NSMCE2: variants seen among roughly 807,000 people sequenced by gnomAD.
The protein encoded by NSMCE2 is E3 SUMO-protein ligase NSE2.
A neutral mutation model predicts 23.8 loss-of-function variants in NSMCE2; 24 were observed. The observed-to-expected ratio is 1.01, with a 90% CI of 0.73 to 1.42. The LOEUF is 1.42. Among genes scored for constraint, NSMCE2 ranks in the 40% most tolerant of loss-of-function variants. NSMCE2 has a pLI of 0.00. For missense variants in NSMCE2, 284 were observed against 296.5 expected, an observed-to-expected ratio of 0.96 and a Z score of 0.31; for synonymous variants, 92 against 94.1, an observed-to-expected ratio of 0.98 and a Z score of 0.13.
intron 1 of NSMCE2, among the ~76,000 whole-genome samples, chr8:125,096,974 G>A (rs781205870): frequency 3.9e-5 from 6 of 152,008 alleles, no homozygotes; most frequent in Non-Finnish European, 7.4e-5. Flanking sequence ...TGGTTTGCCC[G>A]TAAATTTCTG....
chr8:125,164,893 C>T (rs770153166), intron 4 of NSMCE2, among the ~76,000 whole-genome samples: 1 of 152,122 alleles, frequency 6.6e-6, no homozygotes, highest in East Asian at 1.9e-4. Flanking sequence ...CAGTTATCTC[C>T]GGTTGAATAA....
chr8:125,134,213 C>T lies in NSMCE2; in HGVS notation c.158-16958C>T, dbSNP rs558002174. ...TTCATACTTAACAGAAAAACTGTAACGAGGACACCCAGACATTATGTTATG... is the reference window on the plus strand; with the variant it reads ...TTCATACTTAACAGAAAAACTGTAATGAGGACACCCAGACATTATGTTATG... On this transcript the variant is annotated intron_variant, in intron 3 of 7. Coordinates refer to ENST00000287437, the MANE Select transcript of NSMCE2 (RefSeq NM_173685.4). Among the ~76,000 whole-genome samples, 9 of 152,248 alleles carry T rather than the reference C, an allele frequency of 5.9e-5. No individual in the cohort carries two copies. In the South Asian group the frequency reaches 1.2e-3, roughly 21 times the overall value.
At chr8:125,259,978 C>T (rs1019642387) in intron 5 of NSMCE2, among the ~76,000 whole-genome samples, 4 of 152,168 alleles carry the variant, frequency 2.6e-5, no homozygotes, top group African/African-American at 9.7e-5. Flanking sequence ...ATAGATGAAG[C>T]AACCGAGGCA....
At chr8:125,119,664 G>A (rs1205957341) in intron 3 of NSMCE2, among the ~76,000 whole-genome samples, 2 of 152,274 alleles carry the variant, frequency 1.3e-5, no homozygotes, top group African/African-American at 4.8e-5. Flanking sequence ...GAAGTAGATA[G>A]AACAGACTTT....
intron 3 of NSMCE2, among the ~76,000 whole-genome samples, chr8:125,121,815 A>G (rs891539990): frequency 5.9e-5 from 9 of 152,232 alleles, no homozygotes; most frequent in African/African-American, 1.7e-4. Context: ...CATTATACAT[A>G]TGAGTAAACT....
intron 5 of NSMCE2, among the ~76,000 whole-genome samples, chr8:125,234,670 C>G (rs1172945959): frequency 6.6e-6 from 1 of 152,144 alleles, no homozygotes; most frequent in Non-Finnish European, 1.5e-5. Context: ...AATGACTTTT[C>G]TTTCCCATCA....
At chr8:125,349,701 G>T (rs1465754902) in intron 5 of NSMCE2, among the ~76,000 whole-genome samples, 1 of 152,174 alleles carries the variant, frequency 6.6e-6, no homozygotes, top group Non-Finnish European at 1.5e-5. Context: ...AGCCAAATTT[G>T]GGATGCCTGA....
intron 5 of NSMCE2, among the ~76,000 whole-genome samples, chr8:125,229,575 T>A (rs1291992518): frequency 1.3e-5 from 2 of 152,182 alleles, no homozygotes; most frequent in African/African-American, 4.8e-5. Flanking sequence ...TTGAAGATGC[T>A]TCATACAAAG....
intron 5 of NSMCE2, among the ~76,000 whole-genome samples, chr8:125,285,547 T>G (rs555779274): frequency 1.3e-4 from 20 of 152,266 alleles, no homozygotes; most frequent in African/African-American, 4.3e-4. Context: ...TTTTGAAGAC[T>G]GACATAACAG....
chr8:125,244,889 C>CT (rs1424826712), intron 5 of NSMCE2, among the ~76,000 whole-genome samples: 6 of 152,150 alleles, frequency 3.9e-5, no homozygotes, highest in African/African-American at 1.4e-4. Flanking sequence ...AAACTAATAA[C>CT]TACACACTGT....
chr8:125,221,103 A>G (rs1348930218), intron 5 of NSMCE2, among the ~76,000 whole-genome samples: 1 of 152,250 alleles, frequency 6.6e-6, no homozygotes, highest in Non-Finnish European at 1.5e-5. Flanking sequence ...TTTCCAAGGC[A>G]TATAAATGAG....
intron 5 of NSMCE2, among the ~76,000 whole-genome samples, chr8:125,351,842 TCTCTAC>T (rs1813049204): frequency 6.6e-6 from 1 of 151,944 alleles, no homozygotes; most frequent in Non-Finnish European, 1.5e-5. Context: ...GAAACCCCCA[TCTCTAC>T]TAAAAATACA....
rs1159569147 is a variant in NSMCE2 at position 125,321,604 on chromosome 8, T to G, written c.419-35615T>G. Among the ~76,000 whole-genome samples the G allele has an allele frequency of 5.3e-5, 8 of 152,208 alleles. 1 individual carries two copies. The highest frequency in any genetic ancestry group is 1.9e-4 in the African/African-American group (8 of 41,452). On this transcript the variant is annotated intron_variant, in intron 5 of 7. Transcript: ENST00000287437. ...TTATAAGAAAAAGAAAATTACAAAT[T>G]AATATCCCTCATAAACATAGATGCA...
At chr8:125,192,770 G>A (rs1205491500) in intron 5 of NSMCE2, among the ~76,000 whole-genome samples, 1 of 152,164 alleles carries the variant, frequency 6.6e-6, no homozygotes, top group Non-Finnish European at 1.5e-5. Flanking sequence ...ACCCACTCTG[G>A]CAATTCAGTT....
At chr8:125,334,929 A>C (rs938724058) in intron 5 of NSMCE2, among the ~76,000 whole-genome samples, 1 of 151,294 alleles carries the variant, frequency 6.6e-6, no homozygotes, top group South Asian at 2.1e-4. Flanking sequence ...CTAATCTTTT[A>C]TTTTTTTGTA....
intron 5 of NSMCE2, among the ~76,000 whole-genome samples, chr8:125,353,707 A>T (rs960985476): frequency 2.0e-5 from 3 of 151,624 alleles, no homozygotes; most frequent in African/African-American, 4.8e-5. Context: ...ACATGGCGAA[A>T]CCACGTCTCC....
chr8:125,137,354 AT>A (rs1254912165), intron 3 of NSMCE2, among the ~76,000 whole-genome samples: 1 of 152,158 alleles, frequency 6.6e-6, no homozygotes, highest in Admixed American at 6.5e-5. Context: ...GATTTGTTTA[AT>A]TAAACTGTTC....
chr8:125,207,153 GT>G (rs368008511), intron 5 of NSMCE2, among the ~76,000 whole-genome samples: 3,774 of 147,254 alleles, frequency 0.026, 166 homozygotes, highest in African/African-American at 0.088. Flanking sequence ...GAATTCACCA[GT>G]TTTTTTTTTT....
intron 5 of NSMCE2, among the ~76,000 whole-genome samples, chr8:125,304,530 T>A (rs950077120): frequency 6.6e-6 from 1 of 151,938 alleles, no homozygotes; most frequent in Middle Eastern, 3.2e-3. Flanking sequence ...GCAGTGGAGG[T>A]GCAGAGGAAG....
Sources: allele counts gnomAD v4.1 joint callset (sites outside exome capture counted in the v4.1 genomes callset), GRCh38; gene constraint gnomAD v4.1.1; transcripts MANE v1.5; gene names NCBI Gene and HGNC (gene_info 2026-07-23, HGNC 2026-07-21).